MRPS9: variants seen among roughly 807,000 people sequenced by gnomAD.
MRPS9 encodes small ribosomal subunit protein uS9m.
A neutral mutation model predicts 59.9 loss-of-function variants in MRPS9; 45 were observed. The observed-to-expected ratio is 0.75, with a 90% confidence interval of 0.59 to 0.96. MRPS9 has a LOEUF of 0.96. Among genes scored for constraint, MRPS9 ranks in the 40% least tolerant of loss-of-function variants. MRPS9 has a pLI of 0.00. For missense variants in MRPS9, 473 were observed against 481.1 expected (o/e 0.98, Z 0.16); for synonymous variants, 171 against 166.8 (o/e 1.03, Z -0.19).
intron 1 of MRPS9, among the ~76,000 whole-genome samples, chr2:105,039,339 G>A (rs1573411386): frequency 6.9e-6 from 1 of 145,492 alleles, no homozygotes; most frequent in Non-Finnish European, 1.5e-5. Context: ...TTTCTTACTG[G>A]AAAATGTGCT....
intron 4 of MRPS9, among the ~76,000 whole-genome samples, chr2:105,076,505 G>A (rs1029746856): frequency 5.3e-5 from 8 of 152,138 alleles, no homozygotes; most frequent in African/African-American, 1.2e-4. Flanking sequence ...ACATACATAC[G>A]TATATACATA....
intron 2 of MRPS9, among the ~76,000 whole-genome samples, chr2:105,063,942 A>G (rs1442489280): frequency 1.3e-5 from 2 of 152,230 alleles, no homozygotes; most frequent in Non-Finnish European, 2.9e-5. Context: ...GTAAAATCAA[A>G]GATTTGGCAA....
intron 1 of MRPS9, among the ~76,000 whole-genome samples, chr2:105,040,401 T>C (rs1257485143): frequency 6.6e-6 from 1 of 152,178 alleles, no homozygotes; most frequent in Non-Finnish European, 1.5e-5. Context: ...TGTGGGAGAA[T>C]AGAATAATAA....
intron 5 of MRPS9, among the ~76,000 whole-genome samples, chr2:105,082,662 A>G (rs1680370456): frequency 6.6e-6 from 1 of 152,166 alleles, no homozygotes; most frequent in Non-Finnish European, 1.5e-5. Context: ...TATAAGGTAC[A>G]GTTTATTGTT....
At position 105,092,575 on chromosome 2, in the gene MRPS9, G is replaced by A. The variant is rs1362898390; in HGVS notation, c.820+6G>A. 8.4e-6 allele frequency: 13 copies of A among 1,548,816 alleles called. No homozygotes were observed. Among genetic ancestry groups the A allele is most frequent in the African/African-American group, 5.5e-5 (4 of 72,754 alleles). ...GGCCTTTAGCAAAAGTGAAGGTAAT[G>A]ACATTCTGTGGAGAGAAAATAAATT... is the stretch of plus-strand genomic sequence containing the variant. On this transcript the variant is annotated splice_donor_region_variant and intron_variant, in intron 8 of 10. Transcript: ENST00000258455.
intron 5 of MRPS9, among the ~76,000 whole-genome samples, chr2:105,082,602 C>T (rs117465014): frequency 7.7e-4 from 118 of 152,266 alleles, no homozygotes; most frequent in Admixed American, 5.5e-3. Flanking sequence ...TTAGTCCATC[C>T]ACTTTCTCTG....
chr2:105,061,543 A>C (rs2104448572), intron 2 of MRPS9, among the ~76,000 whole-genome samples: 1 of 152,318 alleles, frequency 6.6e-6, no homozygotes, highest in South Asian at 2.1e-4. Context: ...ACTGCGGCAG[A>C]TGCATTTTGA....
chr2:105,099,183 G>T (rs1188373286), intron 10 of MRPS9: 1 of 152,184 alleles, frequency 6.6e-6, no homozygotes, highest in African/African-American at 2.4e-5. Context: ...AGTCATATTT[G>T]TGTGTATATG....
At chr2:105,089,355 T>A (rs902899235) in intron 6 of MRPS9, among the ~76,000 whole-genome samples, 9 of 152,240 alleles carry the variant, frequency 5.9e-5, no homozygotes, top group Admixed American at 5.9e-4. Flanking sequence ...CACATTTATT[T>A]AGCATTTGCA....
intron 1 of MRPS9, among the ~76,000 whole-genome samples, chr2:105,046,018 C>G (rs1247382978): frequency 6.6e-6 from 1 of 152,008 alleles, no homozygotes; most frequent in African/African-American, 2.4e-5. Flanking sequence ...GCGCACACCA[C>G]CATGCCCTGC....
At chr2:105,061,103 C>CT (rs2104448201) in intron 2 of MRPS9, among the ~76,000 whole-genome samples, 2 of 84,002 alleles carry the variant, frequency 2.4e-5, no homozygotes, top group Middle Eastern at 0.025. Context: ...GAGCAGGACT[C>CT]TGTCTCAAAA....
chr2:105,077,179 A>G (rs891194104), intron 4 of MRPS9, among the ~76,000 whole-genome samples: 1 of 149,970 alleles, frequency 6.7e-6, no homozygotes, highest in African/African-American at 2.4e-5. Flanking sequence ...CAGGAGGTGG[A>G]GGTTGCAGTG....
chr2:105,087,178 G>A (rs1680464822), intron 5 of MRPS9, among the ~76,000 whole-genome samples: 1 of 151,838 alleles, frequency 6.6e-6, no homozygotes, highest in South Asian at 2.1e-4. Flanking sequence ...TTCTATATGT[G>A]GATGGTTTGT....
chr2:105,050,884 A>G (rs1679700043), intron 2 of MRPS9, among the ~76,000 whole-genome samples: 1 of 152,178 alleles, frequency 6.6e-6, no homozygotes. Flanking sequence ...CACTTAGCAC[A>G]ATGTTTTCAT....
At chr2:105,098,798 G>A (rs911245026) in intron 10 of MRPS9, among the ~76,000 whole-genome samples, 2 of 152,172 alleles carry the variant, frequency 1.3e-5, no homozygotes, top group Admixed American at 6.5e-5. Flanking sequence ...GCTAACGTTG[G>A]AAGAGTGAAA....
At chr2:105,065,419 T>A (rs1487455629) in intron 2 of MRPS9, among the ~76,000 whole-genome samples, 2 of 152,230 alleles carry the variant, frequency 1.3e-5, no homozygotes, top group African/African-American at 4.8e-5. Flanking sequence ...ATGCATGCTA[T>A]TTTATGTGAA....
rs190803079 is a variant in MRPS9 at position 105,047,699 on chromosome 2, T to A, written c.136-1472T>A. 1.2e-3 allele frequency among the ~76,000 whole-genome samples: 190 copies of A among 152,224 alleles called. 5 individuals carry two copies. The highest frequency in any genetic ancestry group is 0.012 in the Admixed American group (185 of 15,272). The stretch of plus-strand genomic sequence containing the variant: ...CAGGACCAGAAAGATCTGTTCTAGT[T>A]ATTTCCAGCTACGGGATGCAGCTGA... On this transcript the variant is annotated intron_variant, in intron 1 of 10. Coordinates refer to ENST00000258455, the MANE Select transcript of MRPS9 (RefSeq NM_182640.3).
chr2:105,080,362 AAAG>A (rs1680305673), intron 5 of MRPS9, among the ~76,000 whole-genome samples: 1 of 152,172 alleles, frequency 6.6e-6, no homozygotes, highest in South Asian at 2.1e-4. Context: ...CTTCCAGGGT[AAAG>A]AAGGAGGAGG....
intron 2 of MRPS9, among the ~76,000 whole-genome samples, chr2:105,064,625 C>T (rs1033637441): frequency 3.3e-5 from 5 of 152,084 alleles, no homozygotes; most frequent in Non-Finnish European, 7.4e-5. Flanking sequence ...GGGGAGGGAA[C>T]GGAATGGCCA....
Sources: gnomAD v4.1 joint callset for allele counts (sites outside exome capture counted in the v4.1 genomes callset) on GRCh38, gnomAD v4.1.1 for gene constraint, MANE v1.5 for transcripts, NCBI Gene and HGNC (gene_info 2026-07-23, HGNC 2026-07-21) for gene names.